Variants in SYN3 observed in about 807,000 individuals in gnomAD.
SYN3 encodes synapsin-3.
A neutral mutation model predicts 65.8 loss-of-function variants in SYN3; 35 were observed. The ratio of observed to expected loss-of-function variants is 0.53; its 90% confidence interval spans 0.41 to 0.70. SYN3 has a LOEUF of 0.70. Among genes scored for constraint, SYN3 ranks in the 30% least tolerant of loss-of-function variants. The pLI is 0.00. For synonymous variants in SYN3, 270 were observed against 292.9 expected (o/e 0.92, Z 0.80); for missense variants, 680 against 749.0 (o/e 0.91, Z 1.08).
intron 6 of SYN3, among the ~76,000 whole-genome samples, chr22:32,711,409 A>C (rs2060963867): frequency 6.6e-6 from 1 of 152,246 alleles, no homozygotes; most frequent in Non-Finnish European, 1.5e-5. Flanking sequence ...CATTAACTAA[A>C]GGGTGACCAA....
chr22:32,973,810 T>C (rs1191849727), intron 3 of SYN3, among the ~76,000 whole-genome samples: 1 of 152,230 alleles, frequency 6.6e-6, no homozygotes, highest in African/African-American at 2.4e-5. Flanking sequence ...TTAGTTTGTT[T>C]GTTTCAGACA....
intron 7 of SYN3, among the ~76,000 whole-genome samples, chr22:32,569,561 C>CTATATATATATA (rs1458371419): frequency 9.1e-4 from 47 of 51,728 alleles, no homozygotes; most frequent in South Asian, 5.0e-3. Flanking sequence ...CTCTCTCTCT[C>CTATATATATATA]TCTCTCTCTC....
chr22:32,841,990 G>A (rs112558568), intron 6 of SYN3, among the ~76,000 whole-genome samples: 6 of 152,254 alleles, frequency 3.9e-5, no homozygotes, highest in African/African-American at 7.2e-5. Flanking sequence ...CTCGATGACC[G>A]GACTGAGCAC....
chr22:32,677,827 T>TAA (rs130751), intron 6 of SYN3, among the ~76,000 whole-genome samples: 43,591 of 150,804 alleles, frequency 0.29, 7,273 homozygotes, highest in Middle Eastern at 0.4. Flanking sequence ...CATAATAAAA[T>TAA]AAAAAAAGAC....
At chr22:32,823,463 T>A (rs2047312031) in intron 6 of SYN3, among the ~76,000 whole-genome samples, 1 of 152,128 alleles carries the variant, frequency 6.6e-6, no homozygotes, top group Non-Finnish European at 1.5e-5. Context: ...GAAACCAGGA[T>A]GCAGTGGGCC....
intron 6 of SYN3, among the ~76,000 whole-genome samples, chr22:32,717,215 T>A (rs1242484307): frequency 6.6e-6 from 1 of 152,168 alleles, no homozygotes; most frequent in African/African-American, 2.4e-5. Context: ...CTCAGCTAGA[T>A]CTGACCCCTG....
At chr22:32,844,712 CTT>C (rs1376474600) in intron 6 of SYN3, among the ~76,000 whole-genome samples, 8 of 143,716 alleles carry the variant, frequency 5.6e-5, no homozygotes, top group Admixed American at 7.0e-5. Flanking sequence ...CTTCTTCTTC[CTT>C]TTTTTTTTTT....
At chr22:32,890,617 TG>T in intron 4 of SYN3, among the ~76,000 whole-genome samples, 1 of 151,586 alleles carries the variant, frequency 6.6e-6, no homozygotes, top group South Asian at 2.1e-4. Context: ...CCTGACCTCG[TG>T]ATCTGCCCGC....
At chr22:32,711,013 C>T (rs896667614) in intron 6 of SYN3, among the ~76,000 whole-genome samples, 4 of 152,176 alleles carry the variant, frequency 2.6e-5, no homozygotes, top group African/African-American at 9.7e-5. Context: ...GCTCTTCACT[C>T]TTCTTCTCCT....
intron 1 of SYN3, among the ~76,000 whole-genome samples, chr22:33,027,208 T>C (rs1412593271): frequency 6.6e-6 from 1 of 151,654 alleles, no homozygotes; most frequent in African/African-American, 2.4e-5. Flanking sequence ...CTGATATATA[T>C]CTATCTACAT....
At chr22:32,853,287 T>A (rs996818295) in intron 6 of SYN3, among the ~76,000 whole-genome samples, 11 of 152,160 alleles carry the variant, frequency 7.2e-5, no homozygotes, top group Non-Finnish European at 1.5e-4. Flanking sequence ...CAAATTGCTG[T>A]ATAGAGAAAG....
intron 7 of SYN3, among the ~76,000 whole-genome samples, chr22:32,550,660 T>C (rs1057043233): frequency 1.3e-5 from 2 of 151,292 alleles, no homozygotes; most frequent in African/African-American, 4.9e-5. Flanking sequence ...AAAACATATA[T>C]GCATTTTTCC....
chr22:32,977,701 G>A (rs925777489), intron 3 of SYN3, among the ~76,000 whole-genome samples: 11 of 145,684 alleles, frequency 7.6e-5, no homozygotes, highest in South Asian at 2.2e-4. Flanking sequence ...CCGAGATTGC[G>A]CCACTGCACT....
chr22:32,622,115 G>A (rs942512610), intron 6 of SYN3, among the ~76,000 whole-genome samples: 5 of 151,944 alleles, frequency 3.3e-5, no homozygotes, highest in African/African-American at 1.2e-4. Flanking sequence ...CCGCACAGCT[G>A]GGCTGGATTA....
chr22:32,610,619 G>A (rs955381085), intron 6 of SYN3, among the ~76,000 whole-genome samples: 5 of 149,296 alleles, frequency 3.3e-5, no homozygotes, highest in African/African-American at 1.2e-4. Flanking sequence ...TTTTGCTCTT[G>A]TTGCCCAGGC....
chr22:32,925,997 G>A (rs927534682), intron 4 of SYN3, among the ~76,000 whole-genome samples: 11 of 151,344 alleles, frequency 7.3e-5, no homozygotes, highest in African/African-American at 1.9e-4. Flanking sequence ...GACTACAGGC[G>A]CACACCACCA....
At chr22:32,980,573 G>T in intron 3 of SYN3, 72 bp downstream of exon 3, 1 of 1,393,162 alleles carries the variant, frequency 7.2e-7, no homozygotes, top group Non-Finnish European at 1.0e-6. Flanking sequence ...TGGGGACCAA[G>T]ATTGCATGTA....
intron 6 of SYN3, among the ~76,000 whole-genome samples, chr22:32,710,494 G>T (rs928382796): frequency 6.6e-6 from 1 of 151,856 alleles, no homozygotes. Context: ...GTAGCCAGGC[G>T]TGGTGGCACA....
chr22:33,023,337 A>G (rs2053589437), intron 1 of SYN3, among the ~76,000 whole-genome samples: 1 of 152,122 alleles, frequency 6.6e-6, no homozygotes, highest in Non-Finnish European at 1.5e-5. Context: ...ATGAGACATG[A>G]TGGTTTTATA....
Sources: allele counts gnomAD v4.1 joint callset (sites outside exome capture counted in the v4.1 genomes callset), GRCh38; gene constraint gnomAD v4.1.1; transcripts MANE v1.5; gene names NCBI Gene and HGNC (gene_info 2026-07-23, HGNC 2026-07-21).